TBCD: variants seen among roughly 807,000 people sequenced by gnomAD.
The protein encoded by TBCD is tubulin folding cofactor D.
In TBCD, 105 loss-of-function variants were observed where a neutral mutation model predicts 169.3. The ratio of observed to expected loss-of-function variants is 0.62; its 90% confidence interval spans 0.53 to 0.73. TBCD has a LOEUF of 0.73. Among genes scored for constraint, TBCD ranks in the 30% least tolerant of loss-of-function variants. The probability of loss-of-function intolerance (pLI) is 0.00; values close to 1 mark genes in which losing one functional copy is unlikely to be tolerated. For synonymous variants in TBCD, 700 were observed against 643.9 expected (o/e 1.09, Z -1.32); for missense variants, 1,444 against 1,600.1 (o/e 0.90, Z 1.66).
At chr17:82,845,015 G>A (rs78998670) in intron 13 of TBCD, among the ~76,000 whole-genome samples, 4,109 of 152,166 alleles carry the variant, frequency 0.027, 209 homozygotes, top group African/African-American at 0.093. Context: ...CCTGGGTGGG[G>A]AAGGAGGGGT....
At chr17:82,824,877 G>T (rs1054130752) in intron 13 of TBCD, among the ~76,000 whole-genome samples, 1 of 152,064 alleles carries the variant, frequency 6.6e-6, no homozygotes. Context: ...TAAAAATTAC[G>T]AGTGTTTAGT....
intron 7 of TBCD, among the ~76,000 whole-genome samples, chr17:82,794,781 C>T (rs539224081): frequency 7.9e-5 from 12 of 152,222 alleles, no homozygotes; most frequent in Non-Finnish European, 1.8e-4. Flanking sequence ...TGCACCCATG[C>T]CTGGGAAAGT....
intron 12 of TBCD, among the ~76,000 whole-genome samples, chr17:82,811,863 C>T (rs1263957929): frequency 4.6e-5 from 7 of 152,138 alleles, no homozygotes; most frequent in African/African-American, 9.7e-5. Flanking sequence ...TCTTCTGAAA[C>T]GGGTCCGAGA....
intron 10 of TBCD, 146 bp from the exon 11 acceptor site, chr17:82,807,462 T>A (rs1213796783): frequency 4.3e-6 from 2 of 467,988 alleles, no homozygotes; most frequent in African/African-American, 4.0e-5. Flanking sequence ...GAAGGAAATG[T>A]TCTTTTCCTG....
intron 14 of TBCD, among the ~76,000 whole-genome samples, chr17:82,882,405 C>T (rs1337621407): frequency 6.6e-6 from 1 of 152,062 alleles, no homozygotes; most frequent in East Asian, 1.9e-4. Context: ...GGAGCGGGCA[C>T]CTGTGCCCAG....
intron 13 of TBCD, among the ~76,000 whole-genome samples, chr17:82,823,581 T>C (rs1205490026): frequency 1.4e-5 from 2 of 142,462 alleles, no homozygotes; most frequent in Non-Finnish European, 3.1e-5. Flanking sequence ...ACGTTAACAC[T>C]GGTGGGGGCA....
chr17:82,860,299 G>T lies in TBCD; in HGVS notation c.1319-9925G>T, dbSNP rs1490800028. On this transcript the variant is annotated intron_variant, in intron 13 of 38. Transcript: ENST00000355528. ...AGGGAGGGCCCCCGCCCCCTGCATG[G>T]CGGTCACGCTGCGCTGAGCGTCCCC... The T allele has an allele frequency of 8.7e-6, 8 of 918,270 alleles. No homozygotes were observed. In the African/African-American group the frequency reaches 1.3e-4, roughly 14 times the overall value. 56.9% of individuals were successfully genotyped at this position (918,270 alleles called of 1,614,324 possible). A position where few individuals can be genotyped will look rare whatever the true frequency, so the allele number is the denominator to read the frequency against.
intron 8 of TBCD, among the ~76,000 whole-genome samples, chr17:82,799,441 CAAA>C (rs61017445): frequency 9.6e-5 from 7 of 72,626 alleles, no homozygotes; most frequent in East Asian, 9.5e-4. Context: ...GACTCTGTCT[CAAA>C]AAAAAAAAAA....
At chr17:82,810,691 A>G (rs2051368604) in intron 12 of TBCD, among the ~76,000 whole-genome samples, 1 of 152,188 alleles carries the variant, frequency 6.6e-6, no homozygotes, top group Admixed American at 6.5e-5. Context: ...TGTCTCTCCC[A>G]GTTTCAGAAG....
intron 2 of TBCD, among the ~76,000 whole-genome samples, chr17:82,757,156 T>G (rs1186219190): frequency 6.6e-6 from 1 of 152,260 alleles, no homozygotes; most frequent in Non-Finnish European, 1.5e-5. Flanking sequence ...CCTGGCTTCA[T>G]AGCCCAGTTT....
intron 11 of TBCD, among the ~76,000 whole-genome samples, chr17:82,809,418 C>G (rs1053251752): frequency 3.3e-5 from 5 of 152,162 alleles, no homozygotes; most frequent in Non-Finnish European, 5.9e-5. Context: ...GCCTCGGTAC[C>G]CTCAGCCGTC....
intron 13 of TBCD, among the ~76,000 whole-genome samples, chr17:82,820,489 G>C (rs967449333): frequency 2.7e-4 from 41 of 152,152 alleles, no homozygotes; most frequent in African/African-American, 9.7e-4. Context: ...TCTGAGCTTG[G>C]ATGTGTAGAT....
chr17:82,888,250 C>G (rs2058889633), intron 15 of TBCD, among the ~76,000 whole-genome samples: 1 of 152,214 alleles, frequency 6.6e-6, no homozygotes, highest in South Asian at 2.1e-4. Flanking sequence ...CCAGCGCACA[C>G]TGTGTGACGG....
intron 4 of TBCD, among the ~76,000 whole-genome samples, chr17:82,768,143 T>C (rs2048115947): frequency 6.6e-6 from 1 of 152,196 alleles, no homozygotes; most frequent in African/African-American, 2.4e-5. Flanking sequence ...GAAGAGAAGC[T>C]GCTATACTGA....
intron 13 of TBCD, among the ~76,000 whole-genome samples, chr17:82,842,603 A>G (rs1401219989): frequency 1.3e-5 from 2 of 152,140 alleles, no homozygotes; most frequent in Admixed American, 1.3e-4. Context: ...GACATGAGGC[A>G]CACACCTTTT....
chr17:82,888,228 G>C (rs115825419), intron 15 of TBCD, among the ~76,000 whole-genome samples: 123 of 152,316 alleles, frequency 8.1e-4, no homozygotes, highest in African/African-American at 3.0e-3. Context: ...GTTGGTCTGC[G>C]TGTCTGTTCT....
intron 13 of TBCD, among the ~76,000 whole-genome samples, chr17:82,823,097 G>C (rs1019511785): frequency 1.3e-5 from 2 of 152,236 alleles, no homozygotes; most frequent in African/African-American, 4.8e-5. Context: ...GAGGTGGATG[G>C]TAAATTCCAG....
At chr17:82,830,423 T>G (rs1017017985) in intron 13 of TBCD, 4 of 1,611,786 alleles carry the variant, frequency 2.5e-6, no homozygotes, top group Non-Finnish European at 3.4e-6. Context: ...GCCGTCTGCT[T>G]CTGCTCCTCG....
In TBCD at chr17:82,884,039, C is replaced by A; in HGVS notation, c.1476-106C>A. On this transcript the variant is annotated intron_variant, in intron 14 of 38. Coordinates refer to ENST00000355528, the MANE Select transcript of TBCD (RefSeq NM_005993.5). This position sits in a 1 kb window ranked among gnomAD's most constrained non-coding sequence, Gnocchi z 4.2. ...GTGTTGCCTGTGGGGCATGTCTGAA[C>A]CTCAAGTGGGCCTGAGTCGTGAGAG... The A allele has an allele frequency of 1.8e-6, 2 of 1,110,138 alleles. No homozygotes were observed. Among genetic ancestry groups the A allele is most frequent in the Non-Finnish European group, 2.6e-6 (2 of 757,078 alleles). 68.8% of individuals were successfully genotyped at this position (1,110,138 alleles called of 1,614,324 possible).
Sources: allele counts gnomAD v4.1 joint callset (sites outside exome capture counted in the v4.1 genomes callset), GRCh38; gene constraint gnomAD v4.1.1; non-coding constraint Gnocchi (gnomAD v3.1); transcripts MANE v1.5; gene names NCBI Gene and HGNC (gene_info 2026-07-23, HGNC 2026-07-21).